Variants in TAFA2 observed in about 807,000 individuals in gnomAD.
The protein encoded by TAFA2 is chemokine-like protein TAFA-2.
TAFA2 carries 7 observed loss-of-function variants against 18.8 expected under a neutral mutation model. That is an observed-to-expected ratio of 0.37 (90% CI 0.21 to 0.70). The LOEUF is 0.70. TAFA2 is among the 30% of genes least tolerant of loss of function. The pLI, the probability that TAFA2 is intolerant of heterozygous loss-of-function variation, is 0.53. For synonymous variants in TAFA2, 60 were observed against 54.2 expected, an observed-to-expected ratio of 1.11 and a Z score of -0.47; for missense variants, 122 against 158.1, an observed-to-expected ratio of 0.77 and a Z score of 1.23.
rs537068561 is a variant in TAFA2 at position 61,813,816 on chromosome 12, T to C, written c.106+53504A>G. 7.3e-5 allele frequency among the ~76,000 whole-genome samples: 11 copies of C among 151,630 alleles called. No homozygotes were observed. The East Asian group carries it at 1.5e-3, about 21-fold the overall frequency. On this transcript the variant is annotated intron_variant, in intron 2 of 4. Coordinates refer to ENST00000416284, the MANE Select transcript of TAFA2 (RefSeq NM_178539.5). ...TTTTTGGTGTCTCAGTCTTTTCATCTACAAAATGCAGGTAAGAAATGTACC... is the reference window on the plus strand; with the variant it reads ...TTTTTGGTGTCTCAGTCTTTTCATCCACAAAATGCAGGTAAGAAATGTACC...
At chr12:62,127,582 TAA>T (rs1270138129) in intron 1 of TAFA2, among the ~76,000 whole-genome samples, 1 of 152,046 alleles carries the variant, frequency 6.6e-6, no homozygotes, top group East Asian at 1.9e-4. Flanking sequence ...AGAAATGAAT[TAA>T]AGTCATTAAT....
At chr12:61,732,733 T>TTGTGTG (rs879689003) in intron 4 of TAFA2, among the ~76,000 whole-genome samples, 1 of 111,398 alleles carries the variant, frequency 9.0e-6, no homozygotes, top group African/African-American at 3.0e-5. Context: ...AAGTGATTTT[T>TTGTGTG]TGTGTGTGTG....
intron 1 of TAFA2, among the ~76,000 whole-genome samples, chr12:61,941,149 A>G (rs1356907129): frequency 6.6e-6 from 1 of 152,176 alleles, no homozygotes; most frequent in Non-Finnish European, 1.5e-5. Context: ...CAGACTCTGA[A>G]CTAGATATAT....
At chr12:62,189,052 T>C (rs776618445) in intron 1 of TAFA2, among the ~76,000 whole-genome samples, 25 of 152,212 alleles carry the variant, frequency 1.6e-4, no homozygotes, top group Non-Finnish European at 1.2e-4. Context: ...TGTAGCATTA[T>C]ATAGGCATTT....
At chr12:61,797,873 T>C (rs1871249355) in intron 2 of TAFA2, among the ~76,000 whole-genome samples, 2 of 152,216 alleles carry the variant, frequency 1.3e-5, no homozygotes, top group Non-Finnish European at 2.9e-5. Context: ...TTCTCCTGTA[T>C]GAAATTTTTG....
chr12:62,110,548 G>A (rs1238124284), intron 1 of TAFA2, among the ~76,000 whole-genome samples: 3 of 151,396 alleles, frequency 2.0e-5, no homozygotes, highest in Non-Finnish European at 4.4e-5. Flanking sequence ...ATTTCAGAAG[G>A]AATGGCACCA....
At chr12:61,859,672 G>A (rs1040402268) in intron 2 of TAFA2, among the ~76,000 whole-genome samples, 16 of 152,116 alleles carry the variant, frequency 1.1e-4, no homozygotes, top group African/African-American at 3.9e-4. Flanking sequence ...TCAAACTCCT[G>A]ACCTCGTGAT....
At position 61,880,133 on chromosome 12, in the gene TAFA2, G is replaced by A. The variant is rs527885909; in HGVS notation, c.-1-12707C>T. On this transcript the variant is annotated intron_variant, in intron 1 of 4. Coordinates refer to ENST00000416284, the MANE Select transcript of TAFA2 (RefSeq NM_178539.5). ...GGTCAAGGCCCAGTATAAGGAGATC[G>A]CCAACTGCAGCTGGGCTAAGGCTGA... 6.3e-5 allele frequency: 37 copies of A among 586,326 alleles called. No homozygotes were observed. In the East Asian group the frequency reaches 8.4e-4, roughly 13 times the overall value. 36.3% of individuals were successfully genotyped at this position (586,326 alleles called of 1,614,324 possible).
intron 1 of TAFA2, chr12:61,890,204 G>T (rs958487120): frequency 2.0e-5 from 3 of 152,262 alleles, no homozygotes; most frequent in African/African-American, 4.8e-5. Context: ...ATCTTCCAGA[G>T]ATAAGGTCAC....
intron 4 of TAFA2, among the ~76,000 whole-genome samples, chr12:61,732,733 T>TTGTG (rs879689003): frequency 5.4e-5 from 6 of 111,500 alleles, no homozygotes; most frequent in East Asian, 2.7e-4. Context: ...AAGTGATTTT[T>TTGTG]TGTGTGTGTG....
intron 1 of TAFA2, among the ~76,000 whole-genome samples, chr12:62,089,230 T>C (rs1372063104): frequency 1.3e-5 from 2 of 152,096 alleles, no homozygotes; most frequent in South Asian, 2.1e-4. Flanking sequence ...TGAACCGATA[T>C]ACTTTTTTAA....
At chr12:61,715,887 A>T (rs151240162) in intron 4 of TAFA2, among the ~76,000 whole-genome samples, 1 of 152,088 alleles carries the variant, frequency 6.6e-6, no homozygotes, top group Non-Finnish European at 1.5e-5. Flanking sequence ...AATGCACTCC[A>T]GCCTGGATGA....
intron 1 of TAFA2, among the ~76,000 whole-genome samples, chr12:61,906,154 C>G (rs1388598616): frequency 3.9e-5 from 6 of 152,138 alleles, no homozygotes; most frequent in Non-Finnish European, 7.4e-5. Flanking sequence ...TGCAGAATAT[C>G]ACACTCGGTA....
intron 1 of TAFA2, among the ~76,000 whole-genome samples, chr12:62,065,723 T>A (rs1882468091): frequency 6.6e-6 from 1 of 151,698 alleles, no homozygotes; most frequent in Non-Finnish European, 1.5e-5. Context: ...GTGTGTTGTG[T>A]GTGTGTGTTT....
At chr12:62,019,336 A>G (rs1881042705) in intron 1 of TAFA2, among the ~76,000 whole-genome samples, 1 of 151,688 alleles carries the variant, frequency 6.6e-6, no homozygotes, top group Admixed American at 6.6e-5. Context: ...TATATACCCA[A>G]AGGATTATAA....
At chr12:61,941,270 G>C (rs1877997295) in intron 1 of TAFA2, among the ~76,000 whole-genome samples, 2 of 152,144 alleles carry the variant, frequency 1.3e-5, no homozygotes, top group South Asian at 2.1e-4. Context: ...CGATATGTTA[G>C]ATACATAAAA....
intron 1 of TAFA2, among the ~76,000 whole-genome samples, chr12:61,990,935 A>G (rs994953200): frequency 6.6e-6 from 1 of 152,214 alleles, no homozygotes; most frequent in African/African-American, 2.4e-5. Context: ...AATTTGGAGA[A>G]TGAATGGAAA....
intron 1 of TAFA2, among the ~76,000 whole-genome samples, chr12:61,895,933 A>G (rs2121305516): frequency 1.3e-5 from 2 of 152,276 alleles, no homozygotes; most frequent in South Asian, 4.1e-4. Context: ...GGTTATATAC[A>G]GAAGTTAGCA....
At chr12:62,101,448 C>G (rs1869197517) in intron 1 of TAFA2, among the ~76,000 whole-genome samples, 1 of 152,212 alleles carries the variant, frequency 6.6e-6, no homozygotes, top group Admixed American at 6.5e-5. Flanking sequence ...GCACACTCAT[C>G]ATGCAATACT....
Sources: allele counts gnomAD v4.1 joint callset (sites outside exome capture counted in the v4.1 genomes callset), GRCh38; gene constraint gnomAD v4.1.1; transcripts MANE v1.5; gene names NCBI Gene and HGNC (gene_info 2026-07-23, HGNC 2026-07-21).